The following CDH10 variants were observed in gnomAD, a reference collection of about 807,000 sequenced individuals.
The protein encoded by CDH10 is cadherin-10.
CDH10 carries 30 observed loss-of-function variants against 73.1 expected under a neutral mutation model. The ratio of observed to expected loss-of-function variants is 0.41; its 90% confidence interval spans 0.31 to 0.56. CDH10 has a LOEUF of 0.56. Ranked by LOEUF, CDH10 falls within the 20% of genes least tolerant of loss-of-function variation. The pLI, the probability that CDH10 is intolerant of heterozygous loss-of-function variation, is 0.27. For missense variants in CDH10, 815 were observed against 973.7 expected (o/e 0.84, Z 2.17); for synonymous variants, 345 against 348.2 (o/e 0.99, Z 0.10).
At chr5:24,495,383 A>T (rs1742232385) in intron 9 of CDH10, among the ~76,000 whole-genome samples, 1 of 152,210 alleles carries the variant, frequency 6.6e-6, no homozygotes, top group African/African-American at 2.4e-5. Context: ...AAATAATCTT[A>T]AATCAACTTG....
chr5:24,514,321 T>C (rs756173627), intron 5 of CDH10, among the ~76,000 whole-genome samples: 21 of 152,312 alleles, frequency 1.4e-4, no homozygotes, highest in Admixed American at 2.6e-4. Flanking sequence ...CGTCATAATT[T>C]AGATCCTCTG....
At chr5:24,531,006 T>A (rs1201352900) in intron 5 of CDH10, among the ~76,000 whole-genome samples, 1 of 152,046 alleles carries the variant, frequency 6.6e-6, no homozygotes, top group Non-Finnish European at 1.5e-5. Flanking sequence ...CCCATCAACC[T>A]CCTCATTCTT....
chr5:24,487,721 G>A lies in CDH10; in HGVS notation c.2309C>T (p.Pro770Leu), dbSNP rs2111599399. The A allele has an allele frequency of 6.2e-7, 1 of 1,613,434 alleles. No homozygotes were observed. Among genetic ancestry groups the A allele is most frequent in the East Asian group, 2.2e-5 (1 of 44,854 alleles). The change falls in exon 12 of 12, where the codon CCT becomes CTT. Residue 770 changes from proline to leucine, a missense_variant. Pro to Leu is a moderately conservative substitution (Grantham distance 98). Around this residue, in one of 3 missense-constraint regions of CDH10, gnomAD observed 241 missense variants for 240.3 expected, o/e 1.00. Coordinates refer to ENST00000264463, the MANE Select transcript of CDH10 (RefSeq NM_006727.5). ...QNYDYLREWG[P>L]RFNKLAEMYG... Reference sequence around the variant, plus strand: ...CATTTCTGCTAGCTTATTAAACCGAGGGCCCCATTCTCGGAGGTAATCGTA... The same window carrying A: ...CATTTCTGCTAGCTTATTAAACCGAAGGCCCCATTCTCGGAGGTAATCGTA...
chr5:24,524,198 A>T (rs935930069), intron 5 of CDH10, among the ~76,000 whole-genome samples: 1 of 152,148 alleles, frequency 6.6e-6, no homozygotes, highest in Non-Finnish European at 1.5e-5. Flanking sequence ...TATTGGGTCT[A>T]TTTCAAAATT....
chr5:24,593,221 G>A (rs2112091718), intron 2 of CDH10, 39 bp downstream of exon 2: 1 of 1,120,796 alleles, frequency 8.9e-7, no homozygotes. Flanking sequence ...AATATATAAA[G>A]AGCAAATATA....
At chr5:24,641,471 T>G (rs1304141361) in intron 1 of CDH10, among the ~76,000 whole-genome samples, 1 of 151,998 alleles carries the variant, frequency 6.6e-6, no homozygotes, top group African/African-American at 2.4e-5. Context: ...CTTTTAAATT[T>G]AGGACTTGTA....
chr5:24,570,227 A>G (rs1179180641), intron 2 of CDH10, among the ~76,000 whole-genome samples: 2 of 152,176 alleles, frequency 1.3e-5, no homozygotes, highest in Non-Finnish European at 2.9e-5. Flanking sequence ...TAACTGAAAC[A>G]ATAAGTTAAA....
chr5:24,628,111 T>G (rs1184087547), intron 1 of CDH10, among the ~76,000 whole-genome samples: 1 of 151,828 alleles, frequency 6.6e-6, no homozygotes, highest in East Asian at 1.9e-4. Context: ...AACCACAGAG[T>G]TTGAAATAAA....
chr5:24,581,297 T>C (rs1183134972), intron 2 of CDH10, among the ~76,000 whole-genome samples: 1 of 152,178 alleles, frequency 6.6e-6, no homozygotes, highest in Admixed American at 6.5e-5. Flanking sequence ...TTCTTCTTCA[T>C]GAAAACAGTA....
intron 5 of CDH10, among the ~76,000 whole-genome samples, chr5:24,526,399 C>T (rs1325091522): frequency 1.3e-5 from 2 of 151,852 alleles, no homozygotes; most frequent in African/African-American, 4.8e-5. Context: ...AAACATTTAG[C>T]CTAGCTGATA....
chr5:24,512,438 T>A (rs2111773331), intron 5 of CDH10, among the ~76,000 whole-genome samples: 1 of 152,358 alleles, frequency 6.6e-6, no homozygotes, highest in African/African-American at 2.4e-5. Context: ...TATATTTAGT[T>A]ATTTACTACT....
intron 5 of CDH10, among the ~76,000 whole-genome samples, chr5:24,520,233 A>G (rs1370370706): frequency 3.3e-5 from 5 of 152,252 alleles, no homozygotes; most frequent in African/African-American, 1.2e-4. Context: ...AGTGTCAAAC[A>G]GCATGAGAAC....
At chr5:24,580,261 G>A (rs983183384) in intron 2 of CDH10, among the ~76,000 whole-genome samples, 8 of 151,956 alleles carry the variant, frequency 5.3e-5, no homozygotes, top group African/African-American at 1.9e-4. Flanking sequence ...TAATTTTTGA[G>A]TTTTATAAAA....
intron 1 of CDH10, among the ~76,000 whole-genome samples, chr5:24,631,907 AC>A (rs1747716402): frequency 6.6e-6 from 1 of 152,092 alleles, no homozygotes; most frequent in Admixed American, 6.6e-5. Flanking sequence ...TTTTTTAAAT[AC>A]AGATAGAATT....
chr5:24,548,841 G>C (rs1025011745), intron 2 of CDH10, among the ~76,000 whole-genome samples: 1 of 148,904 alleles, frequency 6.7e-6, no homozygotes, highest in Non-Finnish European at 1.5e-5. Flanking sequence ...AGCACAATTA[G>C]GGGATTAATA....
chr5:24,535,599 T>G, intron 4 of CDH10, 104 bp downstream of exon 4: 6 of 995,766 alleles, frequency 6.0e-6, no homozygotes, highest in Non-Finnish European at 9.0e-6. Context: ...CACTCATCTG[T>G]GAGTATTAAT....
At position 24,509,575 on chromosome 5, in the gene CDH10, C is replaced by T. The variant is rs1448165322; in HGVS notation, c.1247G>A (p.Ser416Asn). The T allele has an allele frequency of 2.2e-5, 35 of 1,613,620 alleles. No individual in the cohort carries two copies. In the East Asian group the frequency reaches 7.6e-4, roughly 35 times the overall value. The change falls in exon 7 of 12, where the codon AGC becomes AAC. Residue 416 changes from serine (S) to asparagine (N), a missense_variant. By Grantham distance (46) the Ser-to-Asn change is conservative (BLOSUM62 1). Transcript: ENST00000264463. ...VMARDPDSISSPIRFSLDRHT... is the reference protein window; with the variant it reads ...VMARDPDSISNPIRFSLDRHT... Reference sequence around the variant, plus strand: ...TAAAAGGCACACTTACCTAATGGGGCTGGAAATAGAATCTGGGTCCCTTGC... The same window carrying T: ...TAAAAGGCACACTTACCTAATGGGGTTGGAAATAGAATCTGGGTCCCTTGC...
At chr5:24,548,695 T>A (rs1004577723) in intron 2 of CDH10, among the ~76,000 whole-genome samples, 1 of 152,062 alleles carries the variant, frequency 6.6e-6, no homozygotes, top group Admixed American at 6.6e-5. Flanking sequence ...CATATAAAAT[T>A]AATAATCAGA....
chr5:24,501,856 T>C (rs1742508367), intron 8 of CDH10, among the ~76,000 whole-genome samples: 1 of 152,116 alleles, frequency 6.6e-6, no homozygotes, highest in South Asian at 2.1e-4. Flanking sequence ...AAATATGCCC[T>C]AAAATCCCAA....
Sources: allele counts gnomAD v4.1 joint callset (sites outside exome capture counted in the v4.1 genomes callset), GRCh38; gene constraint gnomAD v4.1.1; regional missense constraint gnomAD v4.1.1; transcripts MANE v1.5; gene names NCBI Gene and HGNC (gene_info 2026-07-23, HGNC 2026-07-21).